P2RX3: variants seen among roughly 807,000 people sequenced by gnomAD.
P2RX3 encodes the protein purinergic receptor P2X 3, also known as P2X purinoceptor 3.
In P2RX3, 41 loss-of-function variants were observed where a neutral mutation model predicts 51.5. That is an observed-to-expected ratio of 0.80 (90% CI 0.62 to 1.03). The LOEUF is 1.03. Among genes scored for constraint, P2RX3 ranks in the 50% least tolerant of loss-of-function variants. The pLI is 0.00. For missense variants in P2RX3, 459 were observed against 522.1 expected, an observed-to-expected ratio of 0.88 and a Z score of 1.18; for synonymous variants, 185 against 191.6, an observed-to-expected ratio of 0.97 and a Z score of 0.29.
At chr11:57,346,713 G>A (rs1418911559) in intron 2 of P2RX3, 34 bp downstream of exon 2, 1 of 1,609,288 alleles carries the variant, frequency 6.2e-7, no homozygotes. Flanking sequence ...GCATGTGGAT[G>A]TCCAGACACT....
chr11:57,338,319 A>ATCT, upstream of P2RX3: 1 of 360,172 alleles, frequency 2.8e-6, no homozygotes, highest in East Asian at 4.1e-5. Context: ...TGGAGTGGAG[A>ATCT]CGAACAAAAA....
At chr11:57,336,795 A>G (rs148058159), upstream of P2RX3, among the ~76,000 whole-genome samples, 3 of 152,346 alleles carry the variant, frequency 2.0e-5, no homozygotes, top group East Asian at 1.9e-4. Context: ...CTGACAATCA[A>G]TACACCAGCT....
At chr11:57,345,633 A>C (rs1249312517) in intron 1 of P2RX3, among the ~76,000 whole-genome samples, 6 of 152,232 alleles carry the variant, frequency 3.9e-5, no homozygotes, top group South Asian at 2.1e-4. Context: ...GGCGATTTCA[A>C]ATGGAAAGGC....
chr11:57,338,347 G>GTATCATTAAAAAA, upstream of P2RX3: 1 of 449,490 alleles, frequency 2.2e-6, no homozygotes, highest in East Asian at 3.2e-5. Flanking sequence ...CCCCGCCCTG[G>GTATCATTAAAAAA]TCCTGGCCTC....
chr11:57,368,392 C>G lies in P2RX3; in HGVS notation c.957C>G (p.Ile319Met). Reference sequence around the variant, plus strand: ...CACAGGCTGGCAAGTTCAACATCATCCCCACCATCATCAGCTCTGTGGCGG... The same window carrying G: ...CACAGGCTGGCAAGTTCAACATCATGCCCACCATCATCAGCTCTGTGGCGG... ...VYGNAGKFNIIPTIISSVAAF... is the reference protein window; with the variant it reads ...VYGNAGKFNIMPTIISSVAAF... The change falls in exon 10 of 12, where the codon ATC becomes ATG. Residue 319 changes from isoleucine to methionine, a missense_variant. Ile to Met is a conservative substitution (Grantham distance 10, BLOSUM62 1). Coordinates refer to ENST00000263314, the MANE Select transcript of P2RX3 (RefSeq NM_002559.5). 1.9e-6 allele frequency: 3 copies of G among 1,614,158 alleles called. No individual in the cohort carries two copies. Among genetic ancestry groups the G allele is most frequent in the Non-Finnish European group, 2.5e-6 (3 of 1,180,030 alleles).
In P2RX3 at chr11:57,346,622, C is replaced by A; in HGVS notation, c.198C>A (p.Gly66=). The A allele has an allele frequency of 6.2e-7, 1 of 1,614,188 alleles. No individual in the cohort carries two copies. Among genetic ancestry groups the A allele is most frequent in the Non-Finnish European group, 8.5e-7 (1 of 1,180,046 alleles). The stretch of plus-strand genomic sequence containing the variant: ...CCTCGGTGGTAACCAAGGTGAAGGG[C>A]TCCGGACTCTACGCCAACAGAGTCA... ...IESSVVTKVK[G]SGLYANRVMD... Residue 66 remains glycine (G), a synonymous_variant, in exon 2 of 12, where the codon GGC becomes GGA. Coordinates refer to ENST00000263314, the MANE Select transcript of P2RX3 (RefSeq NM_002559.5).
At position 57,338,661 on chromosome 11, in the gene P2RX3, C is replaced by A; in HGVS notation, c.111C>A (p.Tyr37Ter). The A allele has an allele frequency of 6.3e-7, 1 of 1,581,756 alleles. No individual in the cohort carries two copies. The highest frequency in any genetic ancestry group is 8.7e-7 in the Non-Finnish European group (1 of 1,153,480). ...TAGTTCAGCTTCTGATCATCTCCTA[C>A]TTTGTAGGGTGAGTCTGTGGCCTTT... is the stretch of plus-strand genomic sequence containing the variant. ...NRVVQLLIIS[Y>*]FVGWVFLHEK... The change falls in exon 1 of 12, where the codon TAC becomes TAA. Residue 37 changes from tyrosine (Y) to a stop codon, truncating the protein, a stop_gained. Coordinates refer to ENST00000263314, the MANE Select transcript of P2RX3 (RefSeq NM_002559.5). LOFTEE classifies it high-confidence loss of function.
At chr11:57,355,590 C>T (rs1334685752) in intron 8 of P2RX3, among the ~76,000 whole-genome samples, 1 of 152,186 alleles carries the variant, frequency 6.6e-6, no homozygotes, top group Non-Finnish European at 1.5e-5. Flanking sequence ...ATCCACCCAC[C>T]TTGGTCTCCC....
rs562506663 is a variant in P2RX3 at position 57,343,621 on chromosome 11, G to A, written c.120-2923G>A. 5.9e-5 allele frequency among the ~76,000 whole-genome samples: 9 copies of A among 152,294 alleles called. No individual in the cohort carries two copies. The East Asian group carries it at 1.2e-3, about 20-fold the overall frequency. ...TGAAAGATTCGGCTTAGCAAGTGCCGCATTGGTTATATAATACTAGTCTGA... is the reference window on the plus strand; with the variant it reads ...TGAAAGATTCGGCTTAGCAAGTGCCACATTGGTTATATAATACTAGTCTGA... On this transcript the variant is annotated intron_variant, in intron 1 of 11. Coordinates refer to ENST00000263314, the MANE Select transcript of P2RX3 (RefSeq NM_002559.5).
rs535944681 is a variant in P2RX3 at position 57,370,804 on chromosome 11, C to T, written c.*807C>T. On this transcript the variant is annotated 3_prime_UTR_variant, in exon 12 of 12. Coordinates refer to ENST00000263314, the MANE Select transcript of P2RX3 (RefSeq NM_002559.5). ...TTGTTCTTCTCTGGGACCCCACACC[C>T]ACACACATCTGGGCCCCCTCACTCT... Among the ~76,000 whole-genome samples the T allele has an allele frequency of 2.6e-5, 4 of 152,224 alleles. No individual in the cohort carries two copies. Among genetic ancestry groups the T allele is most frequent in the Non-Finnish European group, 5.9e-5 (4 of 68,028 alleles).
At chr11:57,353,741 G>A (rs1266943602) in intron 8 of P2RX3, among the ~76,000 whole-genome samples, 9 of 151,794 alleles carry the variant, frequency 5.9e-5, no homozygotes, top group African/African-American at 2.2e-4. Context: ...GCCAAGATTC[G>A]GCCGTGTTTG....
intron 8 of P2RX3, among the ~76,000 whole-genome samples, chr11:57,361,619 G>T (rs939458062): frequency 6.6e-6 from 1 of 152,150 alleles, no homozygotes; most frequent in Non-Finnish European, 1.5e-5. Context: ...CAAAGATCAT[G>T]ATCTCATTCC....
chr11:57,368,774 C>G (rs1461291022), intron 10 of P2RX3, among the ~76,000 whole-genome samples: 2 of 152,134 alleles, frequency 1.3e-5, no homozygotes, highest in Non-Finnish European at 2.9e-5. Context: ...GGAACAGAGC[C>G]CACGTGGCAT....
intron 7 of P2RX3, among the ~76,000 whole-genome samples, 193 bp downstream of exon 7, chr11:57,350,091 C>A (rs1187663537): frequency 6.6e-6 from 1 of 152,080 alleles, no homozygotes; most frequent in Non-Finnish European, 1.5e-5. Context: ...TCTTGCCCCC[C>A]GCCTCCGCCG....
upstream of P2RX3, among the ~76,000 whole-genome samples, chr11:57,336,351 C>G (rs1459154523): frequency 6.6e-6 from 1 of 152,132 alleles, no homozygotes; most frequent in Non-Finnish European, 1.5e-5. Flanking sequence ...CCAAAATTTT[C>G]ACATCCTTAA....
chr11:57,368,495 C>T, intron 10 of P2RX3, 58 bp downstream of exon 10: 2 of 1,586,658 alleles, frequency 1.3e-6, no homozygotes, highest in Non-Finnish European at 1.7e-6. Flanking sequence ...CGGACTGGTA[C>T]CAGCAGGCAG....
rs777723295 is a variant in P2RX3 at position 57,368,111 on chromosome 11, A to G, written c.936+9A>G. 3.1e-6 allele frequency: 5 copies of G among 1,613,378 alleles called. No homozygotes were observed. The highest frequency in any genetic ancestry group is 4.2e-6 in the Non-Finnish European group (5 of 1,179,454). On this transcript the variant is annotated intron_variant, in intron 9 of 11. Transcript: ENST00000263314. ...TGCTGGTATACGGGAATGTGAGTCCATGGGCCAGGCAGATGGGGTGGACAG... is the reference window on the plus strand; with the variant it reads ...TGCTGGTATACGGGAATGTGAGTCCGTGGGCCAGGCAGATGGGGTGGACAG...
chr11:57,345,231 T>G (rs1329907917), intron 1 of P2RX3, among the ~76,000 whole-genome samples: 3 of 152,182 alleles, frequency 2.0e-5, no homozygotes, highest in African/African-American at 7.2e-5. Flanking sequence ...CTCACCTTCA[T>G]CTGGTGTGGT....
chr11:57,361,221 G>A (rs1011301451), intron 8 of P2RX3, among the ~76,000 whole-genome samples: 7 of 151,876 alleles, frequency 4.6e-5, no homozygotes, highest in African/African-American at 9.7e-5. Flanking sequence ...CCAGGAAAGC[G>A]GCCCCTGCCT....
Sources: allele counts gnomAD v4.1 joint callset (sites outside exome capture counted in the v4.1 genomes callset), GRCh38; gene constraint gnomAD v4.1.1; transcripts MANE v1.5; gene names NCBI Gene and HGNC (gene_info 2026-07-23, HGNC 2026-07-21).